The following RUNDC3B variants were observed in gnomAD, a reference collection of about 807,000 sequenced individuals.
RUNDC3B encodes RUN domain-containing protein 3B.
Under a neutral mutation model 58.4 loss-of-function variants are expected in RUNDC3B, and 33 were observed. That is an observed-to-expected ratio of 0.56 (90% CI 0.43 to 0.75). RUNDC3B has a LOEUF of 0.75. Ranked by LOEUF, RUNDC3B falls within the 30% of genes least tolerant of loss-of-function variation. RUNDC3B has a pLI of 0.00. For missense variants in RUNDC3B, 501 were observed against 535.7 expected (o/e 0.94, Z 0.64); for synonymous variants, 193 against 195.2 (o/e 0.99, Z 0.10).
chr7:87,771,384 T>G (rs1448891368), intron 7 of RUNDC3B, among the ~76,000 whole-genome samples: 1 of 152,150 alleles, frequency 6.6e-6, no homozygotes. Context: ...TACAGATAGC[T>G]ATTGCTTAGA....
intron 4 of RUNDC3B, among the ~76,000 whole-genome samples, chr7:87,716,261 A>G (rs1830549596): frequency 6.6e-6 from 1 of 152,188 alleles, no homozygotes; most frequent in South Asian, 2.1e-4. Context: ...ATTGGAGCCA[A>G]CGTAAAATGG....
At chr7:87,699,045 TG>T (rs1481606734) in intron 2 of RUNDC3B, among the ~76,000 whole-genome samples, 1 of 152,120 alleles carries the variant, frequency 6.6e-6, no homozygotes, top group Non-Finnish European at 1.5e-5. Flanking sequence ...AGGCTAGACA[TG>T]AGTATTTTTT....
At chr7:87,803,238 C>T (rs1163095816) in intron 8 of RUNDC3B, among the ~76,000 whole-genome samples, 4 of 152,108 alleles carry the variant, frequency 2.6e-5, no homozygotes, top group Non-Finnish European at 5.9e-5. Flanking sequence ...AATAAAACAG[C>T]TCTTTGAACC....
chr7:87,724,221 T>C (rs1170750649), intron 4 of RUNDC3B, among the ~76,000 whole-genome samples: 1 of 152,128 alleles, frequency 6.6e-6, no homozygotes, highest in Non-Finnish European at 1.5e-5. Flanking sequence ...AGACCCTGTC[T>C]CTCTGAGTCC....
intron 8 of RUNDC3B, among the ~76,000 whole-genome samples, chr7:87,792,604 A>G (rs1033620266): frequency 6.6e-6 from 1 of 152,124 alleles, no homozygotes; most frequent in African/African-American, 2.4e-5. Context: ...ATACTCCTGA[A>G]TGACCAGTGG....
chr7:87,776,339 A>G (rs998327124), intron 7 of RUNDC3B, among the ~76,000 whole-genome samples: 3 of 152,174 alleles, frequency 2.0e-5, no homozygotes, highest in Non-Finnish European at 4.4e-5. Context: ...AAGAGTGAAT[A>G]AACTGCAATA....
chr7:87,687,985 T>G (rs1390707891), intron 2 of RUNDC3B, among the ~76,000 whole-genome samples: 1 of 152,184 alleles, frequency 6.6e-6, no homozygotes, highest in Non-Finnish European at 1.5e-5. Flanking sequence ...AAATTGTTTC[T>G]GTAGTAACAT....
chr7:87,631,958 A>T (rs1821266756), intron 1 of RUNDC3B, among the ~76,000 whole-genome samples: 1 of 152,240 alleles, frequency 6.6e-6, no homozygotes, highest in South Asian at 2.1e-4. Flanking sequence ...GAATTTTTCC[A>T]AATATGAGCA....
chr7:87,726,902 G>A (rs969612519), intron 4 of RUNDC3B, among the ~76,000 whole-genome samples: 4 of 152,082 alleles, frequency 2.6e-5, no homozygotes, highest in African/African-American at 9.7e-5. Flanking sequence ...TGTTATTGGT[G>A]TATAAGAATG....
At chr7:87,676,703 CAA>C (rs57480483) in intron 2 of RUNDC3B, among the ~76,000 whole-genome samples, 1,274 of 45,356 alleles carry the variant, frequency 0.028, 3 homozygotes, top group African/African-American at 0.041. Flanking sequence ...GACCCTGTCT[CAA>C]AAAAAAAAAA....
chr7:87,651,006 T>A, intron 2 of RUNDC3B, 69 bp downstream of exon 2: 1 of 884,250 alleles, frequency 1.1e-6, no homozygotes, highest in Non-Finnish European at 1.8e-6. Flanking sequence ...ATTTTAGAAA[T>A]CATACAGTCT....
At chr7:87,788,764 T>C (rs1209699726) in intron 8 of RUNDC3B, among the ~76,000 whole-genome samples, 6 of 151,612 alleles carry the variant, frequency 4.0e-5, no homozygotes, top group Non-Finnish European at 7.4e-5. Context: ...AGGGTACATG[T>C]GCACATTGTG....
chr7:87,827,985 GAGAAAAA>G (rs1837918297), intron 10 of RUNDC3B, among the ~76,000 whole-genome samples: 1 of 151,862 alleles, frequency 6.6e-6, no homozygotes, highest in South Asian at 2.1e-4. Flanking sequence ...CCTATCTCAA[GAGAAAAA>G]AGAAAGCAAT....
intron 4 of RUNDC3B, among the ~76,000 whole-genome samples, chr7:87,721,951 GTCTT>G (rs1303445635): frequency 6.6e-6 from 1 of 151,850 alleles, no homozygotes; most frequent in African/African-American, 2.4e-5. Context: ...GCCTTTCCAA[GTCTT>G]GTCTTACATT....
intron 3 of RUNDC3B, among the ~76,000 whole-genome samples, chr7:87,710,242 G>A (rs957944337): frequency 2.6e-5 from 4 of 152,096 alleles, no homozygotes; most frequent in Admixed American, 2.6e-4. Context: ...TTGATTTGCG[G>A]TATTGAAGTA....
chr7:87,700,686 T>C, intron 3 of RUNDC3B, 132 bp downstream of exon 3: 2 of 777,676 alleles, frequency 2.6e-6, no homozygotes, highest in Non-Finnish European at 4.0e-6. Flanking sequence ...TCCTGTTCTG[T>C]GATGTTTCTA....
At chr7:87,783,390 G>T (rs1008623488) in intron 8 of RUNDC3B, among the ~76,000 whole-genome samples, 1 of 152,006 alleles carries the variant, frequency 6.6e-6, no homozygotes, top group African/African-American at 2.4e-5. Context: ...TGAGCCTGTG[G>T]GTTTCATTAT....
chr7:87,673,099 G>T (rs74718662), intron 2 of RUNDC3B, among the ~76,000 whole-genome samples: 2 of 152,128 alleles, frequency 1.3e-5, no homozygotes, highest in African/African-American at 4.8e-5. Flanking sequence ...TTGCCTGATC[G>T]GGTTCCCTTT....
At chr7:87,806,995 A>G (rs550521804) in intron 8 of RUNDC3B, among the ~76,000 whole-genome samples, 1 of 152,104 alleles carries the variant, frequency 6.6e-6, no homozygotes, top group East Asian at 1.9e-4. Flanking sequence ...GAAGCTAGGA[A>G]ATCATACACA....
Sources: gnomAD v4.1 joint callset for allele counts (sites outside exome capture counted in the v4.1 genomes callset) on GRCh38, gnomAD v4.1.1 for gene constraint, MANE v1.5 for transcripts, NCBI Gene and HGNC (gene_info 2026-07-23, HGNC 2026-07-21) for gene names.